KCNS1: variants seen among roughly 807,000 people sequenced by gnomAD.
KCNS1 encodes potassium voltage-gated channel modifier subfamily S member 1.
KCNS1 carries 26 observed loss-of-function variants against 33.1 expected under a neutral mutation model. That is an observed-to-expected ratio of 0.79 (90% confidence interval 0.58 to 1.09). KCNS1 has a LOEUF of 1.09. KCNS1 is among the 50% of genes least tolerant of loss of function. The pLI, the probability that KCNS1 is intolerant of heterozygous loss-of-function variation, is 0.00. For missense variants in KCNS1, 702 were observed against 752.4 expected (o/e 0.93, Z 0.78); for synonymous variants, 299 against 338.8 (o/e 0.88, Z 1.29).
In KCNS1 at chr20:45,098,503, CGCCGCG is replaced by C; in HGVS notation, c.263_268del (p.Ala88_Arg90delinsGly). ...CGCCTCGTCGTAGTCGTCGCACAGG[CGCCGCG>C]CCTGCTCCTCCGACGCCGCGGCCTG... On this transcript the variant is annotated inframe_deletion, in exon 3 of 4. Coordinates refer to ENST00000537075, the MANE Select transcript of KCNS1 (RefSeq NM_001322799.2). This position sits in a 1 kb window ranked among gnomAD's most constrained non-coding sequence, Gnocchi z 5.2. 1 of 1,538,442 alleles carries C rather than the reference CGCCGCG, an allele frequency of 6.5e-7. No homozygotes were observed. The highest frequency in any genetic ancestry group is 1.4e-5 in the African/African-American group (1 of 71,166).
Position 45,091,993 on chromosome 20 carries a change from CT to C in KCNS1, c.*2876del, listed in dbSNP as rs1981012742. 6.6e-6 allele frequency among the ~76,000 whole-genome samples: 1 copy of C among 152,206 alleles called. No individual in the cohort carries two copies. Among genetic ancestry groups the C allele is most frequent in the Non-Finnish European group, 1.5e-5 (1 of 68,030 alleles). On this transcript the variant is annotated 3_prime_UTR_variant, in exon 4 of 4. Transcript: ENST00000537075. The stretch of plus-strand genomic sequence containing the variant: ...TTGTTTGAATTTGTTACAGCAGCTG[CT>C]GGAAACTAATATATCTTCCAATAAA...
intron 3 of KCNS1, among the ~76,000 whole-genome samples, chr20:45,095,888 C>G (rs1164891783): frequency 6.6e-6 from 1 of 151,332 alleles, no homozygotes; most frequent in Non-Finnish European, 1.5e-5. Context: ...GTTTTGCCCA[C>G]CACCTCCCCG....
chr20:45,097,574 G>A, intron 3 of KCNS1, 88 bp downstream of exon 3: 1 of 1,314,188 alleles, frequency 7.6e-7, no homozygotes, highest in South Asian at 1.4e-5. Flanking sequence ...GTTAAGCCTG[G>A]ACTCGGCAGG....
In KCNS1 at chr20:45,098,145, G is replaced by A. The variant is rs768631916; in HGVS notation, c.627C>T (p.Thr209=). 6.2e-7 allele frequency: 1 copy of A among 1,607,152 alleles called. No homozygotes were observed. Among genetic ancestry groups the A allele is most frequent in the Non-Finnish European group, 8.5e-7 (1 of 1,177,640 alleles). The change falls in exon 3 of 4, where the codon ACC becomes ACT. Residue 209 remains threonine (T), a synonymous_variant. Coordinates refer to ENST00000537075, the MANE Select transcript of KCNS1 (RefSeq NM_001322799.2). This position sits in a 1 kb window ranked among gnomAD's most constrained non-coding sequence, Gnocchi z 5.2. Reference sequence around the variant, plus strand: ...GCAGCGAGTAGCCCGGGTTCTCCATGGTCAGCCAGAGGCGGCGGCGCAGGC... The same window carrying A: ...GCAGCGAGTAGCCCGGGTTCTCCATAGTCAGCCAGAGGCGGCGGCGCAGGC... ...CGRLRRRLWL[T]MENPGYSLPS... is the part of the protein sequence containing the mutation.
At position 45,098,187 on chromosome 20, in the gene KCNS1, G is replaced by T; in HGVS notation, c.585C>A (p.Gly195=). The T allele has an allele frequency of 3.1e-6, 5 of 1,603,566 alleles. No homozygotes were observed. Among genetic ancestry groups the T allele is most frequent in the Non-Finnish European group, 4.3e-6 (5 of 1,176,070 alleles). The change falls in exon 3 of 4, where the codon GGC becomes GGA. Residue 195 remains glycine, a synonymous_variant. Coordinates refer to ENST00000537075, the MANE Select transcript of KCNS1 (RefSeq NM_001322799.2). The surrounding 1 kb of genome is among the most constrained non-coding windows in gnomAD (Gnocchi z 5.2). ...SDVQRELARY[G]AARCGRLRRR... is the part of the protein sequence containing the mutation. ...GGCGCAGGCGGCCACAGCGCGCCGCGCCATAGCGCGCCAGTTCTCGCTGCA... is the reference window on the plus strand; with the variant it reads ...GGCGCAGGCGGCCACAGCGCGCCGCTCCATAGCGCGCCAGTTCTCGCTGCA...
chr20:45,098,147 T>TCAGCCAGAGGCGGCGGCGCAGG lies in KCNS1; in HGVS notation c.603_624dup (p.Thr209ProfsTer174). ...AGCGAGTAGCCCGGGTTCTCCATGGTCAGCCAGAGGCGGCGGCGCAGGCGG... is the reference window on the plus strand; with the variant it reads ...AGCGAGTAGCCCGGGTTCTCCATGGTCAGCCAGAGGCGGCGGCGCAGGCAGCCAGAGGCGGCGGCGCAGGCGG... On this transcript the variant is annotated frameshift_variant, in exon 3 of 4. Transcript: ENST00000537075. LOFTEE classifies it high-confidence loss of function. This position sits in a 1 kb window ranked among gnomAD's most constrained non-coding sequence, Gnocchi z 5.2. The TCAGCCAGAGGCGGCGGCGCAGG allele has an allele frequency of 6.2e-7, 1 of 1,607,346 alleles. No individual in the cohort carries two copies. The highest frequency in any genetic ancestry group is 8.5e-7 in the Non-Finnish European group (1 of 1,177,752).
chr20:45,097,828 G>C lies in KCNS1; in HGVS notation c.944C>G (p.Pro315Arg), dbSNP rs748892910. 6.2e-7 allele frequency: 1 copy of C among 1,613,788 alleles called. No individual in the cohort carries two copies. The highest frequency in any genetic ancestry group is 1.1e-5 in the South Asian group (1 of 91,086). Reference sequence around the variant, plus strand: ...ACCAGCCAGCAGCGTGAGATAGAAGGGCAGCACAGACACAATGTCGATGAG... The same window carrying C: ...ACCAGCCAGCAGCGTGAGATAGAAGCGCAGCACAGACACAATGTCGATGAG... ...LNLIDIVSVL[P>R]FYLTLLAGVA... Residue 315 changes from proline to arginine, a missense_variant, in exon 3 of 4, where the codon CCC becomes CGC. Pro to Arg is a moderately radical substitution (Grantham distance 103). Around this residue, in one of 3 missense-constraint regions of KCNS1, gnomAD observed 253 missense variants for 327.4 expected, o/e 0.77. Coordinates refer to ENST00000537075, the MANE Select transcript of KCNS1 (RefSeq NM_001322799.2).
chr20:45,095,782 C>A (rs1472950116), intron 3 of KCNS1, among the ~76,000 whole-genome samples: 1 of 152,174 alleles, frequency 6.6e-6, no homozygotes, highest in African/African-American at 2.4e-5. Flanking sequence ...GGACATAAGT[C>A]CCCTGGACCA....
rs1031177199 is a variant in KCNS1 at position 45,091,608 on chromosome 20, T to C, written c.*3262A>G. The stretch of plus-strand genomic sequence containing the variant: ...TTTAATCTCTGGAACCCGTAACTAT[T>C]ACCTTATTTGGGAAAGGGTCTTTTT... On this transcript the variant is annotated 3_prime_UTR_variant, in exon 4 of 4. Coordinates refer to ENST00000537075, the MANE Select transcript of KCNS1 (RefSeq NM_001322799.2). Among the ~76,000 whole-genome samples the C allele has an allele frequency of 4.6e-5, 7 of 152,248 alleles. No individual in the cohort carries two copies. Among genetic ancestry groups the C allele is most frequent in the African/African-American group, 1.7e-4 (7 of 41,470 alleles).
rs1387271255 is a variant in KCNS1 at position 45,091,811 on chromosome 20, C to T, written c.*3059G>A. On this transcript the variant is annotated 3_prime_UTR_variant, in exon 4 of 4. Coordinates refer to ENST00000537075, the MANE Select transcript of KCNS1 (RefSeq NM_001322799.2). Reference sequence around the variant, plus strand: ...TGATGCAGCCACAGCCAAGGAAAGCCAAGAATGGTGGCAGCCACCACAAAC... The same window carrying T: ...TGATGCAGCCACAGCCAAGGAAAGCTAAGAATGGTGGCAGCCACCACAAAC... Among the ~76,000 whole-genome samples, 3 of 152,082 alleles carry T rather than the reference C, an allele frequency of 2.0e-5. No homozygotes were observed. The highest frequency in any genetic ancestry group is 4.1e-4 in the South Asian group (2 of 4,830).
At chr20:45,096,935 C>A (rs1392810047) in intron 3 of KCNS1, among the ~76,000 whole-genome samples, 2 of 152,250 alleles carry the variant, frequency 1.3e-5, no homozygotes, top group Non-Finnish European at 2.9e-5. Flanking sequence ...GGCCTCGGCA[C>A]ACGCCGTTCG....
intron 3 of KCNS1, among the ~76,000 whole-genome samples, chr20:45,097,037 CA>C (rs1401347329): frequency 6.6e-6 from 1 of 152,254 alleles, no homozygotes; most frequent in African/African-American, 2.4e-5. Context: ...GCACCTGGCA[CA>C]AGGAGGATGC....
At chr20:45,095,878 G>T (rs1228983717) in intron 3 of KCNS1, among the ~76,000 whole-genome samples, 1 of 152,144 alleles carries the variant, frequency 6.6e-6, no homozygotes, top group East Asian at 1.9e-4. Flanking sequence ...AAACAGGGTG[G>T]TTTTGCCCAC....
In KCNS1 at chr20:45,098,397, C is replaced by T. The variant is rs1485497083; in HGVS notation, c.375G>A (p.Val125=). 1 of 1,593,144 alleles carries T rather than the reference C, an allele frequency of 6.3e-7. No homozygotes were observed. The highest frequency in any genetic ancestry group is 8.5e-7 in the Non-Finnish European group (1 of 1,170,254). ...AGGCGAAGACGCACAGCTCGTCGAG[C>T]ACGTGCAGGTGGCCAGTGCGGTAGA... ...LHFYRTGHLH[V]LDELCVFAFG... is the part of the protein sequence containing the mutation. Residue 125 remains valine, a synonymous_variant, in exon 3 of 4, where the codon GTG becomes GTA. Coordinates refer to ENST00000537075, the MANE Select transcript of KCNS1 (RefSeq NM_001322799.2). This position sits in a 1 kb window ranked among gnomAD's most constrained non-coding sequence, Gnocchi z 5.2.
intron 3 of KCNS1, among the ~76,000 whole-genome samples, chr20:45,096,786 C>T (rs1198450337): frequency 6.6e-6 from 1 of 152,156 alleles, no homozygotes; most frequent in East Asian, 1.9e-4. Flanking sequence ...TCTCCTATAC[C>T]CTCGGGACCA....
At chr20:45,097,588 G>C in intron 3 of KCNS1, 74 bp downstream of exon 3, 7 of 1,428,446 alleles carry the variant, frequency 4.9e-6, no homozygotes, top group Middle Eastern at 4.5e-4. Context: ...CGGCAGGCTT[G>C]TAAGTTCACC....
Position 45,098,659 on chromosome 20 carries a change from C to A in KCNS1, c.113G>T (p.Gly38Val). 6.8e-7 allele frequency: 1 copy of A among 1,463,140 alleles called. No homozygotes were observed. The highest frequency in any genetic ancestry group is 9.0e-7 in the Non-Finnish European group (1 of 1,109,512). 90.6% of individuals were successfully genotyped at this position (1,463,140 alleles called of 1,614,324 possible). The change falls in exon 3 of 4, where the codon GGC becomes GTC. Residue 38 changes from glycine (G) to valine (V), a missense_variant. Transcript: ENST00000537075. The surrounding 1 kb of genome is among the most constrained non-coding windows in gnomAD (Gnocchi z 5.2). ...CCGCCAGCGGATCCCGGTGTCGGGG[C>A]CCGGGAACTCGCTCACAAAGGTTTC... The part of the protein sequence containing the change: ...STETFVSEFP[G>V]PDTGIRWRRS...
rs1324409961 is a variant in KCNS1 at position 45,097,606 on chromosome 20, C to G, written c.1110+56G>C. Reference sequence around the variant, plus strand: ...CAGGCTTGTAAGTTCACCTGCTAACCTGCCGGATGGCTACACCCGCCCACC... The same window carrying G: ...CAGGCTTGTAAGTTCACCTGCTAACGTGCCGGATGGCTACACCCGCCCACC... On this transcript the variant is annotated intron_variant, in intron 3 of 3. Transcript: ENST00000537075. The G allele has an allele frequency of 2.0e-6, 3 of 1,507,326 alleles. No individual in the cohort carries two copies. In the African/African-American group the frequency reaches 4.1e-5, roughly 21 times the overall value. 93.4% of individuals were successfully genotyped at this position (1,507,326 alleles called of 1,614,324 possible).
At chr20:45,099,854 C>T (rs997466188) in intron 1 of KCNS1, among the ~76,000 whole-genome samples, 2 of 152,206 alleles carry the variant, frequency 1.3e-5, no homozygotes, top group African/African-American at 4.8e-5. Context: ...CACCTCCTCA[C>T]CACTGGCAAT....
Sources: allele counts gnomAD v4.1 joint callset (sites outside exome capture counted in the v4.1 genomes callset), GRCh38; gene constraint gnomAD v4.1.1; regional missense constraint gnomAD v4.1.1; non-coding constraint Gnocchi (gnomAD v3.1); transcripts MANE v1.5; gene names NCBI Gene and HGNC (gene_info 2026-07-23, HGNC 2026-07-21).